The following C14orf93 variants were observed in gnomAD, a reference collection of about 807,000 sequenced individuals.
C14orf93 encodes uncharacterized protein C14orf93.
Under a neutral mutation model 44.0 loss-of-function variants are expected in C14orf93, and 23 were observed. That is an observed-to-expected ratio of 0.52 (90% CI 0.38 to 0.74). The LOEUF (loss-of-function observed/expected upper bound fraction) is 0.74. Ranked by LOEUF, C14orf93 falls within the 30% of genes least tolerant of loss-of-function variation. C14orf93 has a pLI of 0.00. For missense variants in C14orf93, 579 were observed against 678.9 expected, an observed-to-expected ratio of 0.85 and a Z score of 1.64; for synonymous variants, 253 against 265.7, an observed-to-expected ratio of 0.95 and a Z score of 0.46.
rs1041485935 is a variant in C14orf93, at chr14:22,996,930, G to GA, written c.598-663dup. 3.3e-5 allele frequency among the ~76,000 whole-genome samples: 5 copies of GA among 152,076 alleles called. No homozygotes were observed. The highest frequency in any genetic ancestry group is 7.4e-5 in the Non-Finnish European group (5 of 68,016). The stretch of plus-strand genomic sequence containing the variant: ...AGAGAGGGAGGAAGAAAGGAGGGGG[G>GA]ATTTCTGCAGTCAAGAAAACAAAAT... On this transcript the variant is annotated intron_variant, in intron 2 of 6. Transcript: ENST00000299088. The surrounding 1 kb of genome is among the most constrained non-coding windows in gnomAD (Gnocchi z 4.1).
chr14:22,990,546 T>C (rs2139449944), intron 3 of C14orf93, among the ~76,000 whole-genome samples: 1 of 151,884 alleles, frequency 6.6e-6, no homozygotes, highest in East Asian at 1.9e-4. Flanking sequence ...CTCGGCTCAC[T>C]GCAACCTCTG....
At chr14:23,001,384 C>T (rs2046285601) in intron 1 of C14orf93, among the ~76,000 whole-genome samples, 1 of 152,230 alleles carries the variant, frequency 6.6e-6, no homozygotes, top group Non-Finnish European at 1.5e-5. Context: ...TCTCTTGCCT[C>T]ACGCACTTAC....
chr14:23,003,899 T>TATATA (rs1491160474), intron 1 of C14orf93, among the ~76,000 whole-genome samples: 3 of 9,908 alleles, frequency 3.0e-4, no homozygotes, highest in African/African-American at 6.4e-4. Flanking sequence ...TATATATATA[T>TATATA]TTTTTTTTTT....
chr14:22,992,292 C>T (rs1250645457), intron 3 of C14orf93, among the ~76,000 whole-genome samples: 1 of 151,846 alleles, frequency 6.6e-6, no homozygotes, highest in Non-Finnish European at 1.5e-5. Flanking sequence ...ATGGTGAAAC[C>T]TCATCTCTAC....
At chr14:23,008,948 G>A (rs897262463) in intron 1 of C14orf93, among the ~76,000 whole-genome samples, 3 of 152,060 alleles carry the variant, frequency 2.0e-5, no homozygotes, top group Non-Finnish European at 2.9e-5. Flanking sequence ...GGAGCTTTTC[G>A]AATATTCCAA....
In C14orf93 at chr14:22,996,302, G is replaced by T. The variant is rs777227757; in HGVS notation, c.598-34C>A. ...ATAAAAAATAATAGCCTATTAGCCA[G>T]CCAGGCTTAGGGGAACCTGGTTAAC... On this transcript the variant is annotated intron_variant, in intron 2 of 6. Coordinates refer to ENST00000299088, the MANE Select transcript of C14orf93 (RefSeq NM_021944.4). This position sits in a 1 kb window ranked among gnomAD's most constrained non-coding sequence, Gnocchi z 4.1. The T allele has an allele frequency of 1.3e-6, 2 of 1,513,160 alleles. No homozygotes were observed. Among genetic ancestry groups the T allele is most frequent in the Admixed American group, 4.3e-5 (2 of 46,788 alleles). 93.7% of individuals were successfully genotyped at this position (1,513,160 alleles called of 1,614,324 possible).
At position 22,998,406 on chromosome 14, in the gene C14orf93, GC is replaced by G; in HGVS notation, c.597+20del. ...CCAGGAAAAGCACCTAGGAGGAATA[GC>G]CCTCTGCTGCCATACTCACAGGATT... On this transcript the variant is annotated intron_variant, in intron 2 of 6. Coordinates refer to ENST00000299088, the MANE Select transcript of C14orf93 (RefSeq NM_021944.4). 1.3e-6 allele frequency: 2 copies of G among 1,502,924 alleles called. No homozygotes were observed. Among genetic ancestry groups the G allele is most frequent in the South Asian group, 1.3e-5 (1 of 75,506 alleles). 93.1% of individuals were successfully genotyped at this position (1,502,924 alleles called of 1,614,324 possible).
Position 22,999,188 on chromosome 14 carries a change from A to G in C14orf93, c.-165T>C, listed in dbSNP as rs973887752. On this transcript the variant is annotated 5_prime_UTR_variant, in exon 2 of 7. Coordinates refer to ENST00000299088, the MANE Select transcript of C14orf93 (RefSeq NM_021944.4). ...AAGAAGAGTAAACAAGCCATGAAGA[A>G]GCACACAGTCCATGGCGGCCTCTCC... 3 of 1,136,348 alleles carry G rather than the reference A, an allele frequency of 2.6e-6. No individual in the cohort carries two copies. Among genetic ancestry groups the G allele is most frequent in the Non-Finnish European group, 2.4e-6 (2 of 825,556 alleles). The allele number at this position is 1,136,348 out of a possible 1,614,324, so 70.4% of individuals were successfully genotyped here. A position where few individuals can be genotyped will look rare whatever the true frequency, so the allele number is the denominator to read the frequency against.
chr14:23,007,304 A>T (rs1032528299), intron 1 of C14orf93, among the ~76,000 whole-genome samples: 2 of 152,194 alleles, frequency 1.3e-5, no homozygotes, highest in African/African-American at 4.8e-5. Context: ...CTCCTCAGGG[A>T]GGGACAAGAC....
At chr14:22,998,335 G>T in intron 2 of C14orf93, 92 bp downstream of exon 2, 1 of 1,418,704 alleles carries the variant, frequency 7.0e-7, no homozygotes, top group Non-Finnish European at 9.3e-7. Context: ...CAAACAAAAG[G>T]TTTAAAGATG....
chr14:22,987,000 G>A lies in C14orf93; in HGVS notation c.*215C>T. On this transcript the variant is annotated 3_prime_UTR_variant, in exon 7 of 7. Coordinates refer to ENST00000299088, the MANE Select transcript of C14orf93 (RefSeq NM_021944.4). The stretch of plus-strand genomic sequence containing the variant: ...TTATGCTGAGGAATAAGCATATTCT[G>A]GCTTACTGTTCACAGTGGAGGGAGT... 1.7e-6 allele frequency: 1 copy of A among 592,064 alleles called. No individual in the cohort carries two copies. Among genetic ancestry groups the A allele is most frequent in the African/African-American group, 1.9e-5 (1 of 53,868 alleles). The allele number at this position is 592,064 out of a possible 1,614,324, so 36.7% of individuals were successfully genotyped here. A position where few individuals can be genotyped will look rare whatever the true frequency, so the allele number is the denominator to read the frequency against.
chr14:23,009,846 TAAAAAAAAGA>T (rs2046791460), intron 1 of C14orf93, among the ~76,000 whole-genome samples: 2 of 151,176 alleles, frequency 1.3e-5, no homozygotes, highest in African/African-American at 4.9e-5. Flanking sequence ...AAATGTGATT[TAAAAAAAAGA>T]AAAAAAAACT....
chr14:22,988,878 A>C (rs1295065956), intron 5 of C14orf93, among the ~76,000 whole-genome samples: 8 of 152,142 alleles, frequency 5.3e-5, no homozygotes, highest in African/African-American at 1.7e-4. Flanking sequence ...GCTTGAGCCC[A>C]GGAGTTTGAG....
rs1364523399 is a variant in C14orf93, at chr14:22,989,749, C to T, written c.1077G>A (p.Glu359=). 6.2e-7 allele frequency: 1 copy of T among 1,611,746 alleles called. No individual in the cohort carries two copies. The highest frequency in any genetic ancestry group is 8.5e-7 in the Non-Finnish European group (1 of 1,177,806). The part of the protein sequence containing the change: ...VTSPHNYTDK[E]LKGACVAYFL... ...TAAACCAGTTTTTCTCACCTTTTAG[C>T]TCCTTATCAGTGTAATTGTGGGGAC... is the stretch of plus-strand genomic sequence containing the variant. The change falls in exon 5 of 7, where the codon GAG becomes GAA. Residue 359 remains glutamate (E), a synonymous_variant. Coordinates refer to ENST00000299088, the MANE Select transcript of C14orf93 (RefSeq NM_021944.4).
At chr14:22,991,161 ATTTCT>A (rs1178317841) in intron 3 of C14orf93, among the ~76,000 whole-genome samples, 18 of 141,212 alleles carry the variant, frequency 1.3e-4, no homozygotes, top group South Asian at 8.8e-4. Flanking sequence ...ATGTATTTGT[ATTTCT>A]TTTCTTTTTT....
At chr14:23,001,764 T>A (rs1040161159) in intron 1 of C14orf93, among the ~76,000 whole-genome samples, 1 of 138,736 alleles carries the variant, frequency 7.2e-6, no homozygotes, top group Non-Finnish European at 1.5e-5. Flanking sequence ...TGCGCCCAGC[T>A]CCTTCTTCTT....
chr14:23,003,916 T>TA (rs2046485486), intron 1 of C14orf93, among the ~76,000 whole-genome samples: 5 of 76,288 alleles, frequency 6.6e-5, no homozygotes, highest in African/African-American at 2.6e-4. Flanking sequence ...TTTTTTTTTT[T>TA]TTTTTTTTTT....
chr14:22,993,361 T>C (rs765621144), intron 3 of C14orf93, among the ~76,000 whole-genome samples: 8 of 152,348 alleles, frequency 5.3e-5, no homozygotes, highest in Non-Finnish European at 7.3e-5. Context: ...CCTCTATGGC[T>C]GATTCACCAT....
At chr14:23,001,625 T>C (rs765704689) in intron 1 of C14orf93, among the ~76,000 whole-genome samples, 3 of 151,664 alleles carry the variant, frequency 2.0e-5, no homozygotes, top group Non-Finnish European at 2.9e-5. Flanking sequence ...CCACCACATA[T>C]GGCTAATTTT....
Sources: allele counts gnomAD v4.1 joint callset (sites outside exome capture counted in the v4.1 genomes callset), GRCh38; gene constraint gnomAD v4.1.1; non-coding constraint Gnocchi (gnomAD v3.1); transcripts MANE v1.5; gene names NCBI Gene and HGNC (gene_info 2026-07-23, HGNC 2026-07-21).